Variants in EML4 observed in about 807,000 individuals in gnomAD.
EML4 encodes EMAP like 4.
EML4 carries 72 observed loss-of-function variants against 129.0 expected under a neutral mutation model. The observed-to-expected ratio is 0.56, with a 90% CI of 0.46 to 0.68. The LOEUF (loss-of-function observed/expected upper bound fraction) is 0.68. EML4 is among the 30% of genes least tolerant of loss of function. EML4 has a pLI of 0.00. For missense variants in EML4, 1,363 were observed against 1,190.6 expected, an observed-to-expected ratio of 1.14 and a Z score of -2.13; for synonymous variants, 532 against 405.0, an observed-to-expected ratio of 1.31 and a Z score of -3.77.
chr2:42,219,615 A>G (rs185677911), intron 1 of EML4, among the ~76,000 whole-genome samples: 4 of 152,262 alleles, frequency 2.6e-5, no homozygotes, highest in Non-Finnish European at 4.4e-5. Flanking sequence ...GTGCAGGACA[A>G]TGCATTGAAA....
intron 1 of EML4, among the ~76,000 whole-genome samples, chr2:42,197,938 T>G (rs186436094): frequency 6.6e-6 from 1 of 152,224 alleles, no homozygotes; most frequent in South Asian, 2.1e-4. Context: ...GAATCTGGGC[T>G]CCAGAGTCAC....
chr2:42,291,956 C>G (rs139837419), intron 11 of EML4, among the ~76,000 whole-genome samples: 2 of 152,180 alleles, frequency 1.3e-5, no homozygotes, highest in African/African-American at 2.4e-5. Context: ...ATGCACCTAC[C>G]AAAATATCTT....
rs375707062 is a variant in EML4, at chr2:42,306,484, C to CTTTTTT, written c.1967+1954_1967+1959dup. Among the ~76,000 whole-genome samples, 34 of 74,602 alleles carry CTTTTTT rather than the reference C, an allele frequency of 4.6e-4. 3 individuals are homozygous for CTTTTTT. The highest frequency in any genetic ancestry group is 1.4e-3 in the African/African-American group (29 of 21,148). 48.9% of individuals were successfully genotyped at this position (74,602 alleles called of 152,430 possible). ...GTGTCTGATGACCTTGTGCTAAATC[C>CTTTTTT]TTTTTTTTTTTTTTTTTTTTTTTTT... On this transcript the variant is annotated intron_variant, in intron 17 of 22. Transcript: ENST00000318522.
At chr2:42,258,596 C>A (rs1665507554) in intron 3 of EML4, among the ~76,000 whole-genome samples, 2 of 152,138 alleles carry the variant, frequency 1.3e-5, no homozygotes, top group South Asian at 4.2e-4. Flanking sequence ...AACAGGGTTT[C>A]TCCATGTTGG....
chr2:42,198,356 A>G (rs1051883380), intron 1 of EML4, among the ~76,000 whole-genome samples: 1 of 152,106 alleles, frequency 6.6e-6, no homozygotes, highest in Non-Finnish European at 1.5e-5. Flanking sequence ...TAGGGGAGAC[A>G]CTCTAAAGCA....
At chr2:42,197,593 T>G (rs1671971557) in intron 1 of EML4, among the ~76,000 whole-genome samples, 1 of 151,976 alleles carries the variant, frequency 6.6e-6, no homozygotes, top group Non-Finnish European at 1.5e-5. Context: ...TGGTGTAAAC[T>G]CAACATAAAT....
At chr2:42,315,416 G>A (rs1337116409) in intron 17 of EML4, among the ~76,000 whole-genome samples, 1 of 152,180 alleles carries the variant, frequency 6.6e-6, no homozygotes, top group Non-Finnish European at 1.5e-5. Flanking sequence ...AAAGAGACAG[G>A]AATGGCAGTC....
chr2:42,229,902 A>G (rs967796823), intron 1 of EML4, among the ~76,000 whole-genome samples: 2 of 86,018 alleles, frequency 2.3e-5, no homozygotes, highest in Non-Finnish European at 5.0e-5. Context: ...AAATCCAGGT[A>G]CAAGAAAGGA....
chr2:42,215,200 C>G (rs927722451), intron 1 of EML4, among the ~76,000 whole-genome samples: 2 of 152,150 alleles, frequency 1.3e-5, no homozygotes, highest in East Asian at 1.9e-4. Context: ...GCTGGGACTA[C>G]CGATGCACAC....
intron 3 of EML4, among the ~76,000 whole-genome samples, chr2:42,258,481 A>G (rs1047786958): frequency 2.0e-5 from 3 of 152,016 alleles, no homozygotes; most frequent in Admixed American, 2.0e-4. Context: ...GCTCACCGCA[A>G]CCTGCACCTC....
intron 1 of EML4, among the ~76,000 whole-genome samples, chr2:42,183,685 A>G (rs552782102): frequency 1.3e-5 from 2 of 152,130 alleles, no homozygotes; most frequent in Non-Finnish European, 2.9e-5. Context: ...AATACTGTGT[A>G]TACAAGTATA....
chr2:42,330,208 C>A lies in EML4; in HGVS notation c.*1C>A, dbSNP rs745814783. ...GCAAGACCCTTCGCCCTCGTCCTAA[C>A]ACCCTGGCTTCAGTGCAACTCTTTT... is the stretch of plus-strand genomic sequence containing the variant. On this transcript the variant is annotated 3_prime_UTR_variant, in exon 23 of 23. Coordinates refer to ENST00000318522, the MANE Select transcript of EML4 (RefSeq NM_019063.5). The A allele has an allele frequency of 6.2e-7, 1 of 1,612,700 alleles. No homozygotes were observed. The highest frequency in any genetic ancestry group is 8.5e-7 in the Non-Finnish European group (1 of 1,179,478).
intron 7 of EML4, among the ~76,000 whole-genome samples, chr2:42,281,254 G>A (rs1375147942): frequency 6.6e-6 from 1 of 152,040 alleles, no homozygotes; most frequent in Non-Finnish European, 1.5e-5. Context: ...TTAGCCAGGT[G>A]TGGTGGTGCA....
At position 42,281,397 on chromosome 2, in the gene EML4, G is replaced by GAA. The variant is rs60523483; in HGVS notation, c.791+438_791+439dup. Among the ~76,000 whole-genome samples, 545 of 112,092 alleles carry GAA rather than the reference G, an allele frequency of 4.9e-3. 1 individual carries two copies. Among genetic ancestry groups the GAA allele is most frequent in the Middle Eastern group, 0.019 (4 of 212 alleles). 73.5% of individuals were successfully genotyped at this position (112,092 alleles called of 152,430 possible). ...GACCGGGGAAAACTCTGTCTCAAAA[G>GAA]AAAAAAAAAAAAAAAGGAGACATTA... On this transcript the variant is annotated intron_variant, in intron 7 of 22. Coordinates refer to ENST00000318522, the MANE Select transcript of EML4 (RefSeq NM_019063.5).
At chr2:42,305,893 T>C (rs879534652) in intron 17 of EML4, among the ~76,000 whole-genome samples, 6 of 152,246 alleles carry the variant, frequency 3.9e-5, no homozygotes, top group Non-Finnish European at 5.9e-5. Flanking sequence ...GGGGGTTTTT[T>C]TATAGCGATT....
chr2:42,175,404 C>T (rs1437548192), intron 1 of EML4, among the ~76,000 whole-genome samples: 1 of 151,648 alleles, frequency 6.6e-6, no homozygotes, highest in East Asian at 1.9e-4. Flanking sequence ...TGAGCCACCG[C>T]ACCTGGCCAA....
chr2:42,314,926 G>A (rs374760983), intron 17 of EML4, among the ~76,000 whole-genome samples: 2 of 152,178 alleles, frequency 1.3e-5, no homozygotes, highest in Admixed American at 1.3e-4. Flanking sequence ...GTTGTTTTAC[G>A]TCTCAAGAGG....
intron 3 of EML4, among the ~76,000 whole-genome samples, chr2:42,260,202 C>G (rs531173067): frequency 6.6e-6 from 1 of 152,004 alleles, no homozygotes; most frequent in Non-Finnish European, 1.5e-5. Context: ...GAGTCTCGCA[C>G]TGTCATCCAG....
intron 1 of EML4, among the ~76,000 whole-genome samples, chr2:42,175,455 C>A (rs1670546568): frequency 1.3e-5 from 2 of 151,710 alleles, no homozygotes; most frequent in African/African-American, 4.8e-5. Context: ...CAGGTTTTTT[C>A]TTTTTTTGTA....
Sources: allele counts gnomAD v4.1 joint callset (sites outside exome capture counted in the v4.1 genomes callset), GRCh38; gene constraint gnomAD v4.1.1; transcripts MANE v1.5; gene names NCBI Gene and HGNC (gene_info 2026-07-23, HGNC 2026-07-21).